SUMO3: variants seen among roughly 807,000 people sequenced by gnomAD.
The protein encoded by SUMO3 is small ubiquitin like modifier 3.
A neutral mutation model predicts 11.1 loss-of-function variants in SUMO3; 2 were observed. The ratio of observed to expected loss-of-function variants is 0.18; its 90% CI spans 0.07 to 0.57. SUMO3 has a LOEUF of 0.57. Ranked by LOEUF, SUMO3 falls within the 20% of genes least tolerant of loss-of-function variation. The probability of loss-of-function intolerance (pLI) is 0.92; values close to 1 mark genes in which losing one functional copy is unlikely to be tolerated. For missense variants in SUMO3, 70 were observed against 132.8 expected (o/e 0.53, Z 2.32); for synonymous variants, 56 against 53.5 (o/e 1.05, Z -0.20).
At chr21:44,809,564 C>A (rs1055082223) in intron 2 of SUMO3, among the ~76,000 whole-genome samples, 8 of 152,228 alleles carry the variant, frequency 5.3e-5, no homozygotes, top group Admixed American at 4.6e-4. Flanking sequence ...CACCAGAACA[C>A]AAGAGACGTC....
At chr21:44,808,238 C>T (rs932028415) in intron 3 of SUMO3, 13 of 252,964 alleles carry the variant, frequency 5.1e-5, no homozygotes, top group South Asian at 1.7e-4. Context: ...TTCGGCCGGG[C>T]GCGTTGGCTC....
intron 1 of SUMO3, among the ~76,000 whole-genome samples, chr21:44,815,685 T>G (rs2146427063): frequency 6.6e-6 from 1 of 152,132 alleles, no homozygotes. Flanking sequence ...AAGGCACAGA[T>G]GCAGGGCCCA....
At chr21:44,809,594 C>G (rs1212699831) in intron 2 of SUMO3, among the ~76,000 whole-genome samples, 2 of 152,258 alleles carry the variant, frequency 1.3e-5, no homozygotes, top group African/African-American at 2.4e-5. Flanking sequence ...CATCCAAACT[C>G]ATGTACCTCT....
rs1215858403 is a variant in SUMO3 at position 44,806,156 on chromosome 21, A to G, written c.*795T>C. ...AATCTGAGGCCACAACACCATTACC[A>G]AATGAGAAATGTGGGAATTTCTTCA... On this transcript the variant is annotated 3_prime_UTR_variant, in exon 4 of 4. Coordinates refer to ENST00000332859, the MANE Select transcript of SUMO3 (RefSeq NM_006936.3). 6.6e-6 allele frequency: 1 copy of G among 152,190 alleles called. No individual in the cohort carries two copies. The highest frequency in any genetic ancestry group is 2.4e-5 in the African/African-American group (1 of 41,434). The allele number at this position is 152,190 out of a possible 1,614,324, so 9.4% of individuals were successfully genotyped here.
intron 3 of SUMO3, chr21:44,808,514 C>CA (rs745388080): frequency 2.6e-3 from 3,319 of 1,281,978 alleles, no homozygotes; most frequent in South Asian, 9.0e-3. Flanking sequence ...GACTCCGTCT[C>CA]AAAAAAAAAA....
Position 44,811,970 on chromosome 21 carries a change from C to A in SUMO3, c.150+2006G>T, listed in dbSNP as rs1404930627. ...GAGGCACATAAGGAAACACTGAATG[C>A]CAGAATATGGTCCCAGATACTTCCA... On this transcript the variant is annotated intron_variant, in intron 2 of 3. Transcript: ENST00000332859. The surrounding 1 kb of genome is among the most constrained non-coding windows in gnomAD (Gnocchi z 5.0). Among the ~76,000 whole-genome samples the A allele has an allele frequency of 4.6e-5, 7 of 151,098 alleles. No individual in the cohort carries two copies. The highest frequency in any genetic ancestry group is 1.3e-4 in the Admixed American group (2 of 15,170).
intron 2 of SUMO3, among the ~76,000 whole-genome samples, chr21:44,809,596 T>C (rs1437510690): frequency 2.0e-5 from 3 of 152,190 alleles, no homozygotes; most frequent in African/African-American, 4.8e-5. Flanking sequence ...TCCAAACTCA[T>C]GTACCTCTAA....
Position 44,816,493 on chromosome 21 carries a change from C to G in SUMO3, c.21+1455G>C, listed in dbSNP as rs560052222. ...TTCCCGCCAGTGTCTGGCACTGAGC[C>G]TCCACCCTCATCTGTAAAGGGAGGG... On this transcript the variant is annotated intron_variant, in intron 1 of 3. Transcript: ENST00000332859. Among the ~76,000 whole-genome samples the G allele has an allele frequency of 4.7e-4, 71 of 152,346 alleles. 1 individual carries two copies. The highest frequency in any genetic ancestry group is 1.7e-3 in the African/African-American group (70 of 41,594).
rs1186913028 is a variant in SUMO3 at position 44,810,982 on chromosome 21, C to CCATGCACACACCCACA, written c.151-1880_151-1865dup. On this transcript the variant is annotated intron_variant, in intron 2 of 3. Transcript: ENST00000332859. This position sits in a 1 kb window ranked among gnomAD's most constrained non-coding sequence, Gnocchi z 4.1. Reference sequence around the variant, plus strand: ...CACACATGCACACCCATGCACACACCCATGCACACACCCACACATGCACAC... The same window carrying CCATGCACACACCCACA: ...CACACATGCACACCCATGCACACACCCATGCACACACCCACACATGCACACACCCACACATGCACAC... 4.7e-3 allele frequency among the ~76,000 whole-genome samples: 650 copies of CCATGCACACACCCACA among 137,866 alleles called. 6 individuals are homozygous for CCATGCACACACCCACA. The highest frequency in any genetic ancestry group is 0.017 in the African/African-American group (622 of 35,912). 90.4% of individuals were successfully genotyped at this position (137,866 alleles called of 152,430 possible).
rs2083201334 is a variant in SUMO3, at chr21:44,810,051, G to T, written c.151-933C>A. ...CAGTTACCACCATGACTTTGGCCTT[G>T]AGGAGGGCAGCAGGAAGGAGAGCAC... On this transcript the variant is annotated intron_variant, in intron 2 of 3. Transcript: ENST00000332859. This position sits in a 1 kb window ranked among gnomAD's most constrained non-coding sequence, Gnocchi z 4.1. Among the ~76,000 whole-genome samples, 1 of 152,204 alleles carries T rather than the reference G, an allele frequency of 6.6e-6. No individual in the cohort carries two copies. The highest frequency in any genetic ancestry group is 1.5e-5 in the Non-Finnish European group (1 of 68,044).
rs1160904890 is a variant in SUMO3 at position 44,807,225 on chromosome 21, C to G, written c.223-185G>C. ...CGCATGGAAGAGGCATTGCTGTATG[C>G]TCACTACAGCCCTTACGGTTCAACA... On this transcript the variant is annotated intron_variant, in intron 3 of 3. Transcript: ENST00000332859. This position sits in a 1 kb window ranked among gnomAD's most constrained non-coding sequence, Gnocchi z 4.3. 6.6e-6 allele frequency among the ~76,000 whole-genome samples: 1 copy of G among 152,172 alleles called. No homozygotes were observed. Among genetic ancestry groups the G allele is most frequent in the Non-Finnish European group, 1.5e-5 (1 of 68,040 alleles).
At position 44,811,475 on chromosome 21, in the gene SUMO3, G is replaced by A. The variant is rs2083212213; in HGVS notation, c.151-2357C>T. ...GAGTCCCACCTACTCGGGAGGCTGA[G>A]GTGGGAGGATCACTTGAGCCCCAGG... On this transcript the variant is annotated intron_variant, in intron 2 of 3. Coordinates refer to ENST00000332859, the MANE Select transcript of SUMO3 (RefSeq NM_006936.3). The surrounding 1 kb of genome is among the most constrained non-coding windows in gnomAD (Gnocchi z 5.0). 6.6e-6 allele frequency among the ~76,000 whole-genome samples: 1 copy of A among 152,122 alleles called. No individual in the cohort carries two copies. The highest frequency in any genetic ancestry group is 2.4e-5 in the African/African-American group (1 of 41,398).
intron 3 of SUMO3, chr21:44,808,295 A>G (rs781691047): frequency 6.7e-5 from 21 of 314,636 alleles, no homozygotes; most frequent in East Asian, 1.5e-4. Context: ...GGCAGATCAC[A>G]AGGTCAGGAG....
In SUMO3 at chr21:44,814,098, C is replaced by T; in HGVS notation, c.28G>A (p.Val10Met). 4 of 1,613,636 alleles carry T rather than the reference C, an allele frequency of 2.5e-6. No homozygotes were observed. The South Asian group carries it at 4.4e-5, about 18-fold the overall frequency. The change falls in exon 2 of 4, where the codon GTG becomes ATG. Residue 10 changes from valine (V) to methionine (M), a missense_variant. Val to Met is a conservative substitution (Grantham distance 21). Coordinates refer to ENST00000332859, the MANE Select transcript of SUMO3 (RefSeq NM_006936.3). The stretch of plus-strand genomic sequence containing the variant: ...TTGATGTGGTCATTCTCTGTCTTCA[C>T]ACCCTCCTGCAGAAGACACCAGAGA... Reference protein sequence around the residue: MSEEKPKEGVKTENDHINLK... With the variant: MSEEKPKEGMKTENDHINLK...
At chr21:44,817,352 G>A (rs1308936058) in intron 1 of SUMO3, among the ~76,000 whole-genome samples, 1 of 151,938 alleles carries the variant, frequency 6.6e-6, no homozygotes, top group East Asian at 1.9e-4. Context: ...GCGATGGCCG[G>A]GACACGATGC....
intron 2 of SUMO3, among the ~76,000 whole-genome samples, chr21:44,809,880 C>CCTTCCCATCTTTCCAGAAGCCGAGTAGA (rs2083200361): frequency 6.6e-6 from 1 of 152,182 alleles, no homozygotes; most frequent in South Asian, 2.1e-4. Context: ...CTGACCTGTC[C>CCTTCCCATCTTTCCAGAAGCCGAGTAGA]TGGGTCATCC....
chr21:44,817,947 C>T lies in SUMO3; in HGVS notation c.21+1G>A. Reference sequence around the variant, plus strand: ...CGTGCAGGCGGGGTCGCCGCGCTTACCTTGGGCTTCTCCTCGGACATGGCT... The same window carrying T: ...CGTGCAGGCGGGGTCGCCGCGCTTATCTTGGGCTTCTCCTCGGACATGGCT... On this transcript the variant is annotated splice_donor_variant, in intron 1 of 3. Transcript: ENST00000332859. LOFTEE classifies it high-confidence loss of function. 1.9e-6 allele frequency: 2 copies of T among 1,053,902 alleles called. No homozygotes were observed. Among genetic ancestry groups the T allele is most frequent in the Non-Finnish European group, 2.2e-6 (2 of 895,476 alleles). 65.3% of individuals were successfully genotyped at this position (1,053,902 alleles called of 1,614,324 possible).
chr21:44,816,106 A>C (rs962689061), intron 1 of SUMO3, among the ~76,000 whole-genome samples: 6 of 152,200 alleles, frequency 3.9e-5, no homozygotes, highest in African/African-American at 1.4e-4. Context: ...GTCATTCTGG[A>C]ATTAAACAAG....
rs761729322 is a variant in SUMO3 at position 44,809,073 on chromosome 21, T to C, written c.196A>G (p.Ile66Val). 4.0e-5 allele frequency: 64 copies of C among 1,613,998 alleles called. No individual in the cohort carries two copies. Among genetic ancestry groups the C allele is most frequent in the Non-Finnish European group, 4.9e-5 (58 of 1,180,030 alleles). ...QIRFRFDGQP[I>V]NETDTPAQLE... ...TGTGCTGGAGTGTCAGTTTCATTGA[T>C]TGGCTGCCCGTCGAACCTGAATCTG... The change falls in exon 3 of 4, where the codon ATC becomes GTC. Residue 66 changes from isoleucine (I) to valine (V), a missense_variant. Transcript: ENST00000332859.
Sources: gnomAD v4.1 joint callset for allele counts (sites outside exome capture counted in the v4.1 genomes callset) on GRCh38, gnomAD v4.1.1 for gene constraint, Gnocchi (gnomAD v3.1) non-coding constraint, MANE v1.5 for transcripts, NCBI Gene and HGNC (gene_info 2026-07-23, HGNC 2026-07-21) for gene names.